The following TEKT1 variants were observed in gnomAD, a reference collection of about 807,000 sequenced individuals.
TEKT1 encodes the protein tektin 1, also known as tektin-1.
Under a neutral mutation model 34.8 loss-of-function variants are expected in TEKT1, and 32 were observed. That is an observed-to-expected ratio of 0.92 (90% CI 0.69 to 1.23). The LOEUF (loss-of-function observed/expected upper bound fraction) is 1.23, where lower values mean the gene tolerates loss of function less well. TEKT1 is among the 50% of genes most tolerant of loss of function. The pLI, the probability that TEKT1 is intolerant of heterozygous loss-of-function variation, is 0.00. For synonymous variants in TEKT1, 207 were observed against 199.8 expected (o/e 1.04, Z -0.30); for missense variants, 492 against 518.5 (o/e 0.95, Z 0.50).
intron 7 of TEKT1, 125 bp from the exon 8 acceptor site, chr17:6,800,359 C>A: frequency 1.4e-6 from 1 of 732,600 alleles, no homozygotes; most frequent in Non-Finnish European, 2.2e-6. Context: ...CTTCCTCTCT[C>A]CTCATGAAGA....
At chr17:6,802,897 T>C (rs568898139) in intron 6 of TEKT1, among the ~76,000 whole-genome samples, 35 of 152,330 alleles carry the variant, frequency 2.3e-4, no homozygotes, top group African/African-American at 6.5e-4. Context: ...TTTGCTATTG[T>C]GAATAGTGCC....
At chr17:6,816,015 C>T (rs1409820385) in intron 3 of TEKT1, 53 bp from the exon 4 acceptor site, 125 of 1,606,490 alleles carry the variant, frequency 7.8e-5, no homozygotes, top group Non-Finnish European at 1.0e-4. Context: ...TGAGGTGACT[C>T]AACATTGGCT....
At chr17:6,810,508 A>C (rs1417999263) in intron 6 of TEKT1, among the ~76,000 whole-genome samples, 1 of 152,160 alleles carries the variant, frequency 6.6e-6, no homozygotes, top group African/African-American at 2.4e-5. Flanking sequence ...AATTACATAA[A>C]ATTATATTTT....
In TEKT1 at chr17:6,799,674, G is replaced by C; in HGVS notation, c.*353C>G. On this transcript the variant is annotated 3_prime_UTR_variant, in exon 8 of 8. Transcript: ENST00000338694. ...ATTTTGAGAGCCAAGAGAAAGGTTA[G>C]CATCCCATCTCATGAGCAAGAGGGG... 1 of 180,090 alleles carries C rather than the reference G, an allele frequency of 5.6e-6. No individual in the cohort carries two copies. The highest frequency in any genetic ancestry group is 6.1e-5 in the Admixed American group (1 of 16,270). 11.2% of individuals were successfully genotyped at this position (180,090 alleles called of 1,614,324 possible). A position where few individuals can be genotyped will look rare whatever the true frequency, so the allele number is the denominator to read the frequency against.
chr17:6,802,737 G>T (rs945686459), intron 6 of TEKT1, among the ~76,000 whole-genome samples: 4 of 151,404 alleles, frequency 2.6e-5, no homozygotes, highest in Non-Finnish European at 5.9e-5. Flanking sequence ...GCGGTGTTTG[G>T]TTTTTTGTCT....
chr17:6,801,931 C>G (rs1028538484), intron 6 of TEKT1, among the ~76,000 whole-genome samples: 2 of 152,152 alleles, frequency 1.3e-5, no homozygotes, highest in Admixed American at 1.3e-4. Context: ...TTCATCTATA[C>G]TCCTGTCCAT....
intron 6 of TEKT1, among the ~76,000 whole-genome samples, chr17:6,810,249 T>C (rs1406594667): frequency 6.6e-6 from 1 of 152,250 alleles, no homozygotes; most frequent in East Asian, 1.9e-4. Flanking sequence ...TTTCGTATGC[T>C]TACTTGCCCT....
At chr17:6,800,975 A>G in intron 6 of TEKT1, 32 bp from the exon 7 acceptor site, 1 of 1,581,858 alleles carries the variant, frequency 6.3e-7, no homozygotes, top group Non-Finnish European at 8.6e-7. Context: ...GGTGAGGCCA[A>G]GCTGTGCTCC....
At chr17:6,812,050 G>T (rs962122639) in intron 6 of TEKT1, among the ~76,000 whole-genome samples, 1 of 152,066 alleles carries the variant, frequency 6.6e-6, no homozygotes, top group Non-Finnish European at 1.5e-5. Flanking sequence ...GGAGGTAATT[G>T]GATCATGGGG....
In TEKT1 at chr17:6,798,515, G is replaced by A. The variant is rs1976724520; in HGVS notation, c.*1512C>T. 6.6e-6 allele frequency: 1 copy of A among 152,312 alleles called. No individual in the cohort carries two copies. The highest frequency in any genetic ancestry group is 1.5e-5 in the Non-Finnish European group (1 of 68,104). The allele number at this position is 152,312 out of a possible 1,614,324, so 9.4% of individuals were successfully genotyped here. ...ACCCAGAGGCTTCCCAGTGAGCAGA[G>A]AGGGGCCTCCCTCCTTGATTGAGGC... On this transcript the variant is annotated 3_prime_UTR_variant, in exon 8 of 8. Transcript: ENST00000338694.
At chr17:6,820,491 AT>A (rs773987027) in intron 2 of TEKT1, among the ~76,000 whole-genome samples, 85 of 152,268 alleles carry the variant, frequency 5.6e-4, no homozygotes, top group Non-Finnish European at 1.0e-3. Context: ...TTAAAAAAAA[AT>A]GTTATTGTAT....
chr17:6,816,318 G>A (rs530153094), intron 3 of TEKT1, among the ~76,000 whole-genome samples: 5 of 151,830 alleles, frequency 3.3e-5, no homozygotes, highest in Non-Finnish European at 5.9e-5. Flanking sequence ...TGCCACATTG[G>A]TTTGCTGCAC....
intron 6 of TEKT1, among the ~76,000 whole-genome samples, chr17:6,809,564 A>G (rs1439884910): frequency 6.6e-6 from 1 of 152,170 alleles, no homozygotes; most frequent in Non-Finnish European, 1.5e-5. Context: ...GTATAACTAC[A>G]TGTATCCACT....
At chr17:6,801,585 G>A (rs1203643390) in intron 6 of TEKT1, among the ~76,000 whole-genome samples, 2 of 152,070 alleles carry the variant, frequency 1.3e-5, no homozygotes, top group Non-Finnish European at 2.9e-5. Context: ...GCACACACCT[G>A]TAATCCCAGA....
intron 6 of TEKT1, among the ~76,000 whole-genome samples, chr17:6,802,312 A>C (rs1225957648): frequency 1.3e-5 from 2 of 152,202 alleles, no homozygotes; most frequent in Non-Finnish European, 2.9e-5. Context: ...AATTACTTTA[A>C]GCTGCTTTCG....
chr17:6,799,807 T>TGGCCTGTGC lies in TEKT1; in HGVS notation c.*211_*219dup. On this transcript the variant is annotated 3_prime_UTR_variant, in exon 8 of 8. Coordinates refer to ENST00000338694, the MANE Select transcript of TEKT1 (RefSeq NM_053285.2). ...CCCAAGTCCTGTGATATTGTAAGAG[T>TGGCCTGTGC]GGCCTGTGCTAAAATATGGAGTTGA... The TGGCCTGTGC allele has an allele frequency of 2.2e-6, 1 of 457,856 alleles. No individual in the cohort carries two copies. The highest frequency in any genetic ancestry group is 3.8e-6 in the Non-Finnish European group (1 of 261,602). 28.4% of individuals were successfully genotyped at this position (457,856 alleles called of 1,614,324 possible).
chr17:6,819,361 G>C lies in TEKT1; in HGVS notation c.191-3C>G. On this transcript the variant is annotated splice_region_variant and splice_polypyrimidine_tract_variant and intron_variant, in intron 2 of 7. Transcript: ENST00000338694. Reference sequence around the variant, plus strand: ...CTGGACTTCCTCGAGTCTCTGTTCTGAAGCACACGGGGAAGTTACACCAGG... The same window carrying C: ...CTGGACTTCCTCGAGTCTCTGTTCTCAAGCACACGGGGAAGTTACACCAGG... The C allele has an allele frequency of 6.2e-7, 1 of 1,610,804 alleles. No homozygotes were observed. Among genetic ancestry groups the C allele is most frequent in the Non-Finnish European group, 8.5e-7 (1 of 1,178,504 alleles).
chr17:6,824,339 A>G (rs535754109), intron 2 of TEKT1, among the ~76,000 whole-genome samples: 25 of 152,258 alleles, frequency 1.6e-4, no homozygotes, highest in African/African-American at 5.8e-4. Flanking sequence ...CAGGCTACCC[A>G]ATGAACTGAA....
At chr17:6,830,888 A>G (rs1459519405) in intron 1 of TEKT1, among the ~76,000 whole-genome samples, 1 of 152,170 alleles carries the variant, frequency 6.6e-6, no homozygotes, top group Non-Finnish European at 1.5e-5. Context: ...TAATAGTCTC[A>G]TACATGTCTT....
Sources: gnomAD v4.1 joint callset for allele counts (sites outside exome capture counted in the v4.1 genomes callset) on GRCh38, gnomAD v4.1.1 for gene constraint, MANE v1.5 for transcripts, NCBI Gene and HGNC (gene_info 2026-07-23, HGNC 2026-07-21) for gene names.